The following SUPT5H variants were observed in gnomAD, a reference collection of about 807,000 sequenced individuals.
SUPT5H encodes the protein SPT5 homolog, DSIF elongation factor subunit.
A neutral mutation model predicts 142.5 loss-of-function variants in SUPT5H; 24 were observed. The observed-to-expected ratio is 0.17, with a 90% CI of 0.12 to 0.24. The LOEUF is 0.24. SUPT5H is among the 10% of genes least tolerant of loss of function. SUPT5H has a pLI of 1.00. For synonymous variants in SUPT5H, 546 were observed against 553.0 expected, an observed-to-expected ratio of 0.99 and a Z score of 0.18; for missense variants, 893 against 1,471.8, an observed-to-expected ratio of 0.61 and a Z score of 6.43.
rs1359412965 is a variant in SUPT5H, at chr19:39,468,974, T to A, written c.1144-105T>A. The A allele has an allele frequency of 5.8e-6, 9 of 1,542,524 alleles. No homozygotes were observed. The African/African-American group carries it at 1.2e-4, about 21-fold the overall frequency. On this transcript the variant is annotated intron_variant, in intron 14 of 29. Coordinates refer to ENST00000432763, the MANE Select transcript of SUPT5H (RefSeq NM_001111020.3). ...GTCCCACTCCTCAAGTTAGGAGTGTTCCCTAGGAGAATTATTCCCCTAGGA... is the reference window on the plus strand; with the variant it reads ...GTCCCACTCCTCAAGTTAGGAGTGTACCCTAGGAGAATTATTCCCCTAGGA...
chr19:39,471,580 G>C (rs1272289631), intron 19 of SUPT5H, 25 bp from the exon 20 acceptor site: 16 of 1,614,152 alleles, frequency 9.9e-6, no homozygotes, highest in Non-Finnish European at 1.3e-5. Context: ...ATGGTCAAGA[G>C]AGTGACCCTT....
chr19:39,469,225 G>T lies in SUPT5H; in HGVS notation c.1238-37G>T. 1 of 1,614,218 alleles carries T rather than the reference G, an allele frequency of 6.2e-7. No individual in the cohort carries two copies. Among genetic ancestry groups the T allele is most frequent in the South Asian group, 1.1e-5 (1 of 91,082 alleles). On this transcript the variant is annotated intron_variant, in intron 15 of 29. Transcript: ENST00000432763. The surrounding 1 kb of genome is among the most constrained non-coding windows in gnomAD (Gnocchi z 5.1). Reference sequence around the variant, plus strand: ...CCAAGGAGCAGGGGCGGCCCATGGTGGCAACCCCCGAGTCAGCCCTACGAC... The same window carrying T: ...CCAAGGAGCAGGGGCGGCCCATGGTTGCAACCCCCGAGTCAGCCCTACGAC...
At position 39,469,754 on chromosome 19, in the gene SUPT5H, C is replaced by T. The variant is rs183668379; in HGVS notation, c.1374+356C>T. The stretch of plus-strand genomic sequence containing the variant: ...GTGTTTGTCTGTGTCTGGTGTATGT[C>T]TGAGGGGTTGTGCAGGCCCAGTGTG... On this transcript the variant is annotated intron_variant, in intron 16 of 29. Coordinates refer to ENST00000432763, the MANE Select transcript of SUPT5H (RefSeq NM_001111020.3). This position sits in a 1 kb window ranked among gnomAD's most constrained non-coding sequence, Gnocchi z 5.1. 820 of 483,262 alleles carry T rather than the reference C, an allele frequency of 1.7e-3. 10 individuals carry two copies. Among genetic ancestry groups the T allele is most frequent in the South Asian group, 6.1e-3 (275 of 44,964 alleles). 29.9% of individuals were successfully genotyped at this position (483,262 alleles called of 1,614,324 possible).
intron 2 of SUPT5H, among the ~76,000 whole-genome samples, chr19:39,450,543 G>A (rs2079008487): frequency 6.6e-6 from 1 of 152,210 alleles, no homozygotes; most frequent in Non-Finnish European, 1.5e-5. Flanking sequence ...TGTTGGGGAG[G>A]CAGTCCTGAA....
At chr19:39,468,432 T>G (rs996012248) in intron 13 of SUPT5H, 5 of 394,492 alleles carry the variant, frequency 1.3e-5, no homozygotes, top group African/African-American at 2.0e-5. Context: ...CTGGGCACTA[T>G]TCTTGGTGAA....
chr19:39,463,006 A>ATT (rs34217986), intron 10 of SUPT5H, among the ~76,000 whole-genome samples: 277 of 103,034 alleles, frequency 2.7e-3, no homozygotes, highest in Middle Eastern at 0.015. Context: ...TGCCCAGCTA[A>ATT]TTTTTTTTTT....
rs745816565 is a variant in SUPT5H at position 39,470,444 on chromosome 19, A to G, written c.1598A>G (p.Gln533Arg). 4.4e-6 allele frequency: 7 copies of G among 1,607,568 alleles called. No homozygotes were observed. ...ETASGVDVGG[Q>R]HEWGELVQLD... is the part of the protein sequence containing the mutation. Reference sequence around the variant, plus strand: ...GCATCAGGTGTGGATGTTGGGGGCCAGCATGAATGGGGCGAGCTGGTGCAG... The same window carrying G: ...GCATCAGGTGTGGATGTTGGGGGCCGGCATGAATGGGGCGAGCTGGTGCAG... Residue 533 changes from glutamine (Q) to arginine (R), a missense_variant, in exon 18 of 30, where the codon CAG becomes CGG. Transcript: ENST00000432763. The surrounding 1 kb of genome is among the most constrained non-coding windows in gnomAD (Gnocchi z 5.8).
At position 39,472,066 on chromosome 19, in the gene SUPT5H, C is replaced by G. The variant is rs2079328625; in HGVS notation, c.1950+336C>G. ...CCCATCGTACAGCTTGAGGTGATAG[C>G]AAGCGCTGTGAAGAAAACAGAATGG... On this transcript the variant is annotated intron_variant, in intron 20 of 29. Coordinates refer to ENST00000432763, the MANE Select transcript of SUPT5H (RefSeq NM_001111020.3). This position sits in a 1 kb window ranked among gnomAD's most constrained non-coding sequence, Gnocchi z 4.2. Among the ~76,000 whole-genome samples, 2 of 152,290 alleles carry G rather than the reference C, an allele frequency of 1.3e-5. No individual in the cohort carries two copies. Among genetic ancestry groups the G allele is most frequent in the Non-Finnish European group, 2.9e-5 (2 of 68,030 alleles).
Position 39,459,578 on chromosome 19 carries a change from G to A in SUPT5H, c.544G>A (p.Val182Ile). 1 of 1,614,016 alleles carries A rather than the reference G, an allele frequency of 6.2e-7. No individual in the cohort carries two copies. Among genetic ancestry groups the A allele is most frequent in the East Asian group, 2.2e-5 (1 of 44,878 alleles). ...GCTTAGGGATCCCAATCTGTGGACT[G>A]TCAAATGTAAGGTATGTGCTCTGAT... ...PGVKDPNLWT[V>I]KCKIGEERAT... is the part of the protein sequence containing the mutation. Residue 182 changes from valine to isoleucine, a missense_variant, in exon 9 of 30, where the codon GTC becomes ATC. This residue lies in a region of SUPT5H where 428 missense variants were observed against 763.5 expected (regional missense o/e 0.56). Coordinates refer to ENST00000432763, the MANE Select transcript of SUPT5H (RefSeq NM_001111020.3).
At position 39,458,030 on chromosome 19, in the gene SUPT5H, A is replaced by C. The variant is rs1328667660; in HGVS notation, c.308-264A>C. The C allele has an allele frequency of 4.2e-6, 3 of 713,280 alleles. No individual in the cohort carries two copies. Among genetic ancestry groups the C allele is most frequent in the East Asian group, 2.7e-5 (1 of 36,862 alleles). 44.2% of individuals were successfully genotyped at this position (713,280 alleles called of 1,614,324 possible). On this transcript the variant is annotated intron_variant, in intron 4 of 29. Coordinates refer to ENST00000432763, the MANE Select transcript of SUPT5H (RefSeq NM_001111020.3). This position sits in a 1 kb window ranked among gnomAD's most constrained non-coding sequence, Gnocchi z 4.2. ...GGGTGGGCGAGCTCTGTCCCAAGAT[A>C]CCCCCCACTTCCTGGGCCAGTGCCC...
chr19:39,465,008 G>A lies in SUPT5H; in HGVS notation c.835G>A (p.Val279Ile). The A allele has an allele frequency of 6.2e-7, 1 of 1,614,198 alleles. No homozygotes were observed. The highest frequency in any genetic ancestry group is 8.5e-7 in the Non-Finnish European group (1 of 1,180,002). ...GGCCAACCTGAAACCAAAGTCCTGG[G>A]TCCGCCTCAAGCGGGGCATCTACAA... Reference protein sequence around the residue: ...EVANLKPKSWVRLKRGIYKDD... With the variant: ...EVANLKPKSWIRLKRGIYKDD... The change falls in exon 11 of 30, where the codon GTC becomes ATC. Residue 279 changes from valine to isoleucine, a missense_variant. By Grantham distance (29) the Val-to-Ile change is conservative. This residue lies in a region of SUPT5H where 428 missense variants were observed against 763.5 expected (regional missense o/e 0.56). Transcript: ENST00000432763.
At chr19:39,460,138 G>T in intron 10 of SUPT5H, 178 bp downstream of exon 10, 1 of 634,262 alleles carries the variant, frequency 1.6e-6, no homozygotes, top group Admixed American at 2.6e-5. Flanking sequence ...GGCCTAGATG[G>T]ATATGTTGTC....
chr19:39,471,520 G>A lies in SUPT5H; in HGVS notation c.1824+17G>A. ...CCCCACTCAGTGAGTACAAGTTCCT[G>A]CTTTTGAGCTGCATCTGAAAGAATT... On this transcript the variant is annotated intron_variant, in intron 19 of 29. Coordinates refer to ENST00000432763, the MANE Select transcript of SUPT5H (RefSeq NM_001111020.3). 1.2e-6 allele frequency: 2 copies of A among 1,614,030 alleles called. No individual in the cohort carries two copies. The highest frequency in any genetic ancestry group is 1.7e-6 in the Non-Finnish European group (2 of 1,179,888).
chr19:39,473,515 C>T lies in SUPT5H; in HGVS notation c.2486C>T (p.Pro829Leu), dbSNP rs368525453. The T allele has an allele frequency of 5.0e-6, 8 of 1,609,974 alleles. No homozygotes were observed. The highest frequency in any genetic ancestry group is 1.3e-5 in the African/African-American group (1 of 75,030). Reference protein sequence around the residue: ...GAWDPNNPNTPSRAEEEYEYA... With the variant: ...GAWDPNNPNTLSRAEEEYEYA... ...TGGGACCCCAACAACCCCAACACGC[C>T]GTCACGGTGAGTCCAGGGTTCCCCA... The change falls in exon 25 of 30, where the codon CCG becomes CTG. Residue 829 changes from proline to leucine, a missense_variant. This residue lies in a region of SUPT5H where 336 missense variants were observed against 546.5 expected (regional missense o/e 0.61). Transcript: ENST00000432763. This position sits in a 1 kb window ranked among gnomAD's most constrained non-coding sequence, Gnocchi z 5.8.
Position 39,458,498 on chromosome 19 carries a change from C to A in SUPT5H, c.319+193C>A. The A allele has an allele frequency of 1.9e-6, 2 of 1,050,380 alleles. No individual in the cohort carries two copies. The highest frequency in any genetic ancestry group is 1.5e-5 in the South Asian group (1 of 64,960). The allele number at this position is 1,050,380 out of a possible 1,614,324, so 65.1% of individuals were successfully genotyped here. A position where few individuals can be genotyped will look rare whatever the true frequency, so the allele number is the denominator to read the frequency against. Reference sequence around the variant, plus strand: ...CCCCAGTTGTTGACCTGGGAAAGCACGGATGTGTCTGTCTGGGACTGAGCA... The same window carrying A: ...CCCCAGTTGTTGACCTGGGAAAGCAAGGATGTGTCTGTCTGGGACTGAGCA... On this transcript the variant is annotated intron_variant, in intron 5 of 29. Transcript: ENST00000432763. This position sits in a 1 kb window ranked among gnomAD's most constrained non-coding sequence, Gnocchi z 4.2.
intron 3 of SUPT5H, among the ~76,000 whole-genome samples, chr19:39,454,587 G>A (rs528983449): frequency 4.6e-5 from 7 of 152,112 alleles, no homozygotes; most frequent in South Asian, 2.1e-4. Context: ...TGATCCGCCC[G>A]CCCTGGCCTC....
rs1600706799 is a variant in SUPT5H at position 39,459,273 on chromosome 19, G to A, written c.524+24G>A. 12 of 1,555,152 alleles carry A rather than the reference G, an allele frequency of 7.7e-6. No individual in the cohort carries two copies. In the East Asian group the frequency reaches 2.9e-4, roughly 38 times the overall value. On this transcript the variant is annotated intron_variant, in intron 8 of 29. Coordinates refer to ENST00000432763, the MANE Select transcript of SUPT5H (RefSeq NM_001111020.3). ...AAGTAAGGGGGTTGGGATGGTGGGGGCCGTGCTGGGGTGCGAATCTTGTAT... is the reference window on the plus strand; with the variant it reads ...AAGTAAGGGGGTTGGGATGGTGGGGACCGTGCTGGGGTGCGAATCTTGTAT...
At chr19:39,459,789 C>T in intron 9 of SUPT5H, 103 bp from the exon 10 acceptor site, 2 of 1,387,098 alleles carry the variant, frequency 1.4e-6, no homozygotes, top group South Asian at 1.2e-5. Context: ...TCTCTCTCCT[C>T]TCTTGGTCCT....
At chr19:39,453,940 A>G (rs1375219501) in intron 3 of SUPT5H, among the ~76,000 whole-genome samples, 1 of 150,018 alleles carries the variant, frequency 6.7e-6, no homozygotes, top group Non-Finnish European at 1.5e-5. Context: ...TCTGAAATGC[A>G]TAAAACAAAA....
Sources: allele counts gnomAD v4.1 joint callset (sites outside exome capture counted in the v4.1 genomes callset), GRCh38; gene constraint gnomAD v4.1.1; regional missense constraint gnomAD v4.1.1; non-coding constraint Gnocchi (gnomAD v3.1); transcripts MANE v1.5; gene names NCBI Gene and HGNC (gene_info 2026-07-23, HGNC 2026-07-21).